EEF1AKMT2: variants seen among roughly 807,000 people sequenced by gnomAD.
EEF1AKMT2 encodes the protein EEF1A lysine methyltransferase 2.
A neutral mutation model predicts 35.8 loss-of-function variants in EEF1AKMT2; 32 were observed. That is an observed-to-expected ratio of 0.89 (90% CI 0.67 to 1.20). The LOEUF is 1.20. Ranked by LOEUF, EEF1AKMT2 falls within the 50% of genes most tolerant of loss-of-function variation. The pLI is 0.00. For missense variants in EEF1AKMT2, 330 were observed against 347.5 expected (o/e 0.95, Z 0.40); for synonymous variants, 121 against 133.7 (o/e 0.91, Z 0.65).
chr10:124,775,318 C>T (rs896565966), intron 3 of EEF1AKMT2, among the ~76,000 whole-genome samples: 2 of 152,104 alleles, frequency 1.3e-5, no homozygotes, highest in Admixed American at 6.6e-5. Context: ...TAGATCTTTA[C>T]AGAAAACCTG....
chr10:124,771,268 TC>T (rs1950432029), intron 4 of EEF1AKMT2, among the ~76,000 whole-genome samples: 1 of 151,728 alleles, frequency 6.6e-6, no homozygotes, highest in Non-Finnish European at 1.5e-5. Context: ...CCTGGCTAAT[TC>T]TTTGTATTTT....
intron 4 of EEF1AKMT2, among the ~76,000 whole-genome samples, chr10:124,767,177 A>C (rs1251395567): frequency 5.3e-5 from 8 of 150,646 alleles, no homozygotes; most frequent in African/African-American, 9.8e-5. Flanking sequence ...AAAAAAAAAA[A>C]AAAAAACAGT....
At chr10:124,768,105 G>C (rs1475489083) in intron 4 of EEF1AKMT2, among the ~76,000 whole-genome samples, 1 of 152,022 alleles carries the variant, frequency 6.6e-6, no homozygotes, top group Non-Finnish European at 1.5e-5. Flanking sequence ...TCTAGGCAGA[G>C]GGCAGCAAGT....
downstream of EEF1AKMT2, among the ~76,000 whole-genome samples, chr10:124,757,166 C>CCACACACACACACACA (rs55709011): frequency 4.0e-4 from 57 of 143,282 alleles, no homozygotes; most frequent in African/African-American, 1.2e-3. Context: ...ACACTCCCTC[C>CCACACACACACACACA]CACACACACA....
In EEF1AKMT2 at chr10:124,765,992, TCAC is replaced by T. The variant is rs1313163562; in HGVS notation, c.400-387_400-385del. On this transcript the variant is annotated intron_variant, in intron 4 of 6. Transcript: ENST00000368836. ...AATGACAATTTATTTGGAACTAAGT[TCAC>T]TGGAAATAAGATTTCTTGAAGACAG... Among the ~76,000 whole-genome samples, 21 of 152,312 alleles carry T rather than the reference TCAC, an allele frequency of 1.4e-4. No homozygotes were observed. The East Asian group carries it at 1.5e-3, about 11-fold the overall frequency.
rs763058536 is a variant in EEF1AKMT2 at position 124,762,511 on chromosome 10, AG to A, written c.663del (p.Trp222GlyfsTer13). Reference protein sequence around the residue: ...AGFWLTAALTSWAQAIFSTSA... With the variant: ...AGFWLTAALTXWAQAIFSTSA... ...GAAGTGGAAAAGATCGCTTGAGCCC[AG>A]GAAGTCAAGGCTGCAGTGAGCCAAA... On this transcript the variant is annotated frameshift_variant, in exon 6 of 7. Coordinates refer to ENST00000368836, the MANE Select transcript of EEF1AKMT2 (RefSeq NM_212554.4). LOFTEE classifies it high-confidence loss of function. 2 of 1,285,102 alleles carry A rather than the reference AG, an allele frequency of 1.6e-6. No homozygotes were observed. Among genetic ancestry groups the A allele is most frequent in the South Asian group, 2.5e-5 (2 of 78,736 alleles). The allele number at this position is 1,285,102 out of a possible 1,614,324, so 79.6% of individuals were successfully genotyped here. A position where few individuals can be genotyped will look rare whatever the true frequency, so the allele number is the denominator to read the frequency against.
At position 124,758,475 on chromosome 10, in the gene EEF1AKMT2, T is replaced by C. The variant is rs1400228742; in HGVS notation, c.*2028A>G. Reference sequence around the variant, plus strand: ...TAATAAGAAGAGATGACAACTTCCTTTTCCTAACCTTATCAAAAGCTCTAT... The same window carrying C: ...TAATAAGAAGAGATGACAACTTCCTCTTCCTAACCTTATCAAAAGCTCTAT... On this transcript the variant is annotated 3_prime_UTR_variant, in exon 7 of 7. Coordinates refer to ENST00000368836, the MANE Select transcript of EEF1AKMT2 (RefSeq NM_212554.4). 6.6e-6 allele frequency: 1 copy of C among 151,064 alleles called. No individual in the cohort carries two copies. Among genetic ancestry groups the C allele is most frequent in the Non-Finnish European group, 1.5e-5 (1 of 67,876 alleles). The allele number at this position is 151,064 out of a possible 1,614,324, so 9.4% of individuals were successfully genotyped here. A position where few individuals can be genotyped will look rare whatever the true frequency, so the allele number is the denominator to read the frequency against.
intron 3 of EEF1AKMT2, among the ~76,000 whole-genome samples, chr10:124,783,381 T>C (rs528588328): frequency 1.3e-5 from 2 of 152,232 alleles, no homozygotes; most frequent in African/African-American, 4.8e-5. Context: ...TGACCTCAAG[T>C]GATCCACCGG....
At chr10:124,787,139 G>A (rs1426617212) in intron 3 of EEF1AKMT2, among the ~76,000 whole-genome samples, 2 of 48,116 alleles carry the variant, frequency 4.2e-5, no homozygotes, top group African/African-American at 1.8e-4. Context: ...GTAGAGACGG[G>A]GTTTCACCGT....
intron 4 of EEF1AKMT2, among the ~76,000 whole-genome samples, chr10:124,774,240 G>A (rs1033444963): frequency 2.6e-5 from 4 of 151,484 alleles, no homozygotes; most frequent in East Asian, 1.9e-4. Context: ...GGCTGCAGGC[G>A]CCTGTAGTCC....
intron 3 of EEF1AKMT2, among the ~76,000 whole-genome samples, chr10:124,781,453 C>A (rs1405727995): frequency 6.6e-6 from 1 of 151,482 alleles, no homozygotes; most frequent in Non-Finnish European, 1.5e-5. Context: ...GTGGTGGACA[C>A]CTATAATCCC....
chr10:124,768,948 G>T (rs192935495), intron 4 of EEF1AKMT2, among the ~76,000 whole-genome samples: 1 of 151,460 alleles, frequency 6.6e-6, no homozygotes, highest in Admixed American at 6.6e-5. Context: ...GATAAAACTG[G>T]CCAGAAGCAG....
intron 4 of EEF1AKMT2, among the ~76,000 whole-genome samples, chr10:124,772,162 G>A (rs1002050261): frequency 3.3e-5 from 5 of 152,100 alleles, no homozygotes; most frequent in African/African-American, 1.2e-4. Context: ...AGCTGCATTA[G>A]CCCCCTCTAA....
intron 3 of EEF1AKMT2, among the ~76,000 whole-genome samples, chr10:124,779,485 G>A (rs1301594152): frequency 6.6e-6 from 1 of 151,346 alleles, no homozygotes; most frequent in African/African-American, 2.4e-5. Context: ...AGTGGCTCAC[G>A]CCTGTAATCC....
chr10:124,782,874 G>T, intron 3 of EEF1AKMT2: 1 of 292,964 alleles, frequency 3.4e-6, no homozygotes, highest in South Asian at 2.8e-5. Flanking sequence ...AAATCCAAAC[G>T]TATCAATAAT....
chr10:124,790,318 C>G lies in EEF1AKMT2; in HGVS notation c.131G>C (p.Arg44Thr), dbSNP rs773389248. The G allele has an allele frequency of 1.2e-6, 2 of 1,612,234 alleles. No individual in the cohort carries two copies. Among genetic ancestry groups the G allele is most frequent in the East Asian group, 2.2e-5 (1 of 44,844 alleles). ...ATATTCTCGGAAAGTTTGCAGTTCTCTCTCATAGACAGCATCCCAACTATG... is the reference window on the plus strand; with the variant it reads ...ATATTCTCGGAAAGTTTGCAGTTCTGTCTCATAGACAGCATCCCAACTATG... ...TREHWDAVYE[R>T]ELQTFREYGD... is the part of the protein sequence containing the mutation. The change falls in exon 2 of 7, where the codon AGA becomes ACA. Residue 44 changes from arginine (R) to threonine (T), a missense_variant. Coordinates refer to ENST00000368836, the MANE Select transcript of EEF1AKMT2 (RefSeq NM_212554.4).
At chr10:124,782,487 C>T (rs892416251) in intron 3 of EEF1AKMT2, among the ~76,000 whole-genome samples, 1 of 147,952 alleles carries the variant, frequency 6.8e-6, no homozygotes, top group African/African-American at 2.5e-5. Flanking sequence ...GAGGCTGAGG[C>T]AGGAGAATGG....
chr10:124,785,243 T>C, intron 3 of EEF1AKMT2, among the ~76,000 whole-genome samples: 1 of 63,754 alleles, frequency 1.6e-5, no homozygotes, highest in African/African-American at 8.4e-5. Context: ...CAAGACTCCG[T>C]CTCAAAAAAA....
At chr10:124,769,218 C>CACAAAAAAAAAAAAAAAA (rs754443902) in intron 4 of EEF1AKMT2, among the ~76,000 whole-genome samples, 669 of 31,274 alleles carry the variant, frequency 0.021, 236 homozygotes, top group African/African-American at 0.031. Context: ...ACACTGTCTC[C>CACAAAAAAAAAAAAAAAA]AAAAAAAAAA....
Sources: allele counts gnomAD v4.1 joint callset (sites outside exome capture counted in the v4.1 genomes callset), GRCh38; gene constraint gnomAD v4.1.1; transcripts MANE v1.5; gene names NCBI Gene and HGNC (gene_info 2026-07-23, HGNC 2026-07-21).